VPS53: variants seen among roughly 807,000 people sequenced by gnomAD.
VPS53 encodes vacuolar protein sorting-associated protein 53 homolog.
In VPS53, 70 loss-of-function variants were observed where a neutral mutation model predicts 107.0. The ratio of observed to expected loss-of-function variants is 0.65; its 90% CI spans 0.54 to 0.80. VPS53 has a LOEUF of 0.80. Ranked by LOEUF, VPS53 falls within the 30% of genes least tolerant of loss-of-function variation. The probability of loss-of-function intolerance (pLI) is 0.00; values close to 1 mark genes in which losing one functional copy is unlikely to be tolerated. For missense variants in VPS53, 917 were observed against 1,049.4 expected (o/e 0.87, Z 1.74); for synonymous variants, 409 against 393.3 (o/e 1.04, Z -0.47).
intron 18 of VPS53, 166 bp from the exon 19 acceptor site, chr17:533,077 G>A: frequency 7.7e-7 from 1 of 1,298,840 alleles, no homozygotes; most frequent in East Asian, 2.6e-5. Flanking sequence ...GTGAAGTCCT[G>A]GTTTTGTTTA....
intron 10 of VPS53, among the ~76,000 whole-genome samples, chr17:626,712 CTG>C (rs1331223096): frequency 6.6e-6 from 1 of 152,142 alleles, no homozygotes; most frequent in East Asian, 1.9e-4. Flanking sequence ...GCTATACACA[CTG>C]TATTGGGAGT....
rs1164988405 is a variant in VPS53, at chr17:571,468, G to GCTCTCC, written c.1314-8729_1314-8724dup. 2.1e-4 allele frequency among the ~76,000 whole-genome samples: 23 copies of GCTCTCC among 111,070 alleles called. No individual in the cohort carries two copies. The South Asian group carries it at 6.8e-3, about 33-fold the overall frequency. The allele number at this position is 111,070 out of a possible 152,430, so 72.9% of individuals were successfully genotyped here. A position where few individuals can be genotyped will look rare whatever the true frequency, so the allele number is the denominator to read the frequency against. On this transcript the variant is annotated intron_variant, in intron 13 of 21. Transcript: ENST00000437048. ...ATTAATTCAAAATAAACAACAATGG[G>GCTCTCC]CTCTCCCTCTCCCTCTCCTTCTCCC...
At chr17:552,762 T>C (rs1911959359) in intron 16 of VPS53, 1 of 225,924 alleles carries the variant, frequency 4.4e-6, no homozygotes, top group Non-Finnish European at 8.7e-6. Context: ...GGAGGTACAA[T>C]GGCAGCCCAG....
chr17:580,535 G>C (rs1275898187), intron 13 of VPS53, among the ~76,000 whole-genome samples: 6 of 146,486 alleles, frequency 4.1e-5, no homozygotes, highest in African/African-American at 1.5e-4. Context: ...TTCCTTCCCA[G>C]AGAACCTCCC....
intron 8 of VPS53, among the ~76,000 whole-genome samples, chr17:629,632 G>A (rs1163412528): frequency 2.6e-5 from 4 of 151,286 alleles, no homozygotes; most frequent in South Asian, 2.1e-4. Context: ...GCGTGGTGGC[G>A]GGTGCCTGTA....
At chr17:580,168 A>G (rs1966920650) in intron 13 of VPS53, among the ~76,000 whole-genome samples, 1 of 149,722 alleles carries the variant, frequency 6.7e-6, no homozygotes, top group South Asian at 2.1e-4. Flanking sequence ...CTCAGAACCT[A>G]ATTCCTTCCC....
At chr17:633,175 C>A (rs1970032850) in intron 7 of VPS53, among the ~76,000 whole-genome samples, 2 of 152,238 alleles carry the variant, frequency 1.3e-5, no homozygotes, top group African/African-American at 4.8e-5. Flanking sequence ...ATCAATCACG[C>A]CCCGCAATGG....
chr17:622,768 A>G (rs1226745191), intron 11 of VPS53, among the ~76,000 whole-genome samples: 2 of 151,704 alleles, frequency 1.3e-5, no homozygotes, highest in African/African-American at 4.8e-5. Flanking sequence ...GTCACTCATC[A>G]TAGCTCACTG....
intron 11 of VPS53, among the ~76,000 whole-genome samples, chr17:613,397 G>A (rs934530833): frequency 3.3e-5 from 5 of 151,960 alleles, no homozygotes; most frequent in African/African-American, 4.8e-5. Context: ...ATCAAATAGT[G>A]AATTCACACA....
chr17:541,831 A>T (rs924797996), intron 17 of VPS53, among the ~76,000 whole-genome samples: 1 of 147,260 alleles, frequency 6.8e-6, no homozygotes, highest in African/African-American at 2.6e-5. Context: ...ACGTTTATCA[A>T]GGACCTACCA....
intron 7 of VPS53, among the ~76,000 whole-genome samples, chr17:651,486 G>C (rs1221269166): frequency 2.0e-5 from 3 of 152,056 alleles, no homozygotes; most frequent in Non-Finnish European, 4.4e-5. Flanking sequence ...AGCTGCTTGG[G>C]AAACTGTGGT....
At chr17:552,043 C>T (rs1167552742) in intron 16 of VPS53, 93 bp from the exon 17 acceptor site, 3 of 1,210,006 alleles carry the variant, frequency 2.5e-6, no homozygotes, top group Non-Finnish European at 2.3e-6. Context: ...TCAGATTCAT[C>T]ATTTCACTGG....
At chr17:619,545 C>T (rs1238747993) in intron 11 of VPS53, among the ~76,000 whole-genome samples, 9 of 142,938 alleles carry the variant, frequency 6.3e-5, no homozygotes, top group African/African-American at 1.1e-4. Context: ...TAATATTTCC[C>T]GGGTAGCTGG....
At chr17:619,516 G>T (rs1310876999) in intron 11 of VPS53, among the ~76,000 whole-genome samples, 2 of 125,078 alleles carry the variant, frequency 1.6e-5, no homozygotes, top group African/African-American at 6.2e-5. Flanking sequence ...GACTACAGGC[G>T]TGCACCACCA....
At chr17:705,440 T>A (rs958983521) in intron 2 of VPS53, among the ~76,000 whole-genome samples, 9 of 145,874 alleles carry the variant, frequency 6.2e-5, no homozygotes, top group South Asian at 2.2e-4. Flanking sequence ...AAAAAAAAAA[T>A]TAAAAATCAG....
chr17:522,205 A>C (rs1004552310), intron 19 of VPS53, among the ~76,000 whole-genome samples: 3 of 152,186 alleles, frequency 2.0e-5, no homozygotes, highest in African/African-American at 7.2e-5. Context: ...CAGTGACTCA[A>C]GATTGTGCCA....
chr17:602,394 C>G (rs1264840744), intron 11 of VPS53, among the ~76,000 whole-genome samples: 1 of 152,166 alleles, frequency 6.6e-6, no homozygotes, highest in Non-Finnish European at 1.5e-5. Flanking sequence ...AATCAAAGTG[C>G]CAGATGGATT....
At chr17:703,722 C>G (rs1973295927) in intron 2 of VPS53, among the ~76,000 whole-genome samples, 1 of 152,038 alleles carries the variant, frequency 6.6e-6, no homozygotes, top group African/African-American at 2.4e-5. Context: ...TGACCACAAT[C>G]AGAATTTTTG....
Position 697,494 on chromosome 17 carries a change from C to T in VPS53, c.219-10G>A, listed in dbSNP as rs755235180. 8.7e-6 allele frequency: 14 copies of T among 1,607,764 alleles called. No individual in the cohort carries two copies. Among genetic ancestry groups the T allele is most frequent in the Admixed American group, 3.3e-5 (2 of 59,974 alleles). ...ATTGTCATCCAGTCTCCTAGCAAAACAGTTCAAGGATACAGTCATTCAAAT... is the reference window on the plus strand; with the variant it reads ...ATTGTCATCCAGTCTCCTAGCAAAATAGTTCAAGGATACAGTCATTCAAAT... On this transcript the variant is annotated splice_polypyrimidine_tract_variant and intron_variant, in intron 3 of 21. Transcript: ENST00000437048.
Sources: allele counts gnomAD v4.1 joint callset (sites outside exome capture counted in the v4.1 genomes callset), GRCh38; gene constraint gnomAD v4.1.1; transcripts MANE v1.5; gene names NCBI Gene and HGNC (gene_info 2026-07-23, HGNC 2026-07-21).